Variants in PP2D1 observed in about 807,000 individuals in gnomAD.
PP2D1 encodes protein phosphatase 2C like domain containing 1.
In PP2D1, 25 loss-of-function variants were observed where a neutral mutation model predicts 30.2. That is an observed-to-expected ratio of 0.83 (90% CI 0.60 to 1.16). The LOEUF is 1.16. Ranked by LOEUF, PP2D1 falls within the 50% of genes most tolerant of loss-of-function variation. The probability of loss-of-function intolerance (pLI) is 0.00; values close to 1 mark genes in which losing one functional copy is unlikely to be tolerated. For missense variants in PP2D1, 760 were observed against 742.4 expected (o/e 1.02, Z -0.28); for synonymous variants, 260 against 258.9 (o/e 1.00, Z -0.04).
In PP2D1 at chr3:19,985,997, G is replaced by C; in HGVS notation, c.1276C>G (p.Leu426Val). The stretch of plus-strand genomic sequence containing the variant: ...GGGATAATGGATTTTTTCAGCTTGA[G>C]ATTTCCATGAAATCCAAGTCCTCGT... ...TTRGLGFHGN[L>V]KLKKSIIPAP... The change falls in exon 3 of 3, where the codon CTC becomes GTC. Residue 426 changes from leucine (L) to valine (V), a missense_variant. Physicochemically the swap from Leu to Val is conservative, Grantham distance 32. Around this residue, in one of 3 missense-constraint regions of PP2D1, gnomAD observed 369 missense variants for 316.2 expected, o/e 1.17. Coordinates refer to ENST00000389050, the MANE Select transcript of PP2D1 (RefSeq NM_001252657.2). 6.5e-6 allele frequency: 10 copies of C among 1,536,072 alleles called. No individual in the cohort carries two copies. Among genetic ancestry groups the C allele is most frequent in the Non-Finnish European group, 8.7e-6 (10 of 1,146,868 alleles).
At chr3:19,994,472 C>T (rs1697153862) in intron 2 of PP2D1, among the ~76,000 whole-genome samples, 1 of 152,166 alleles carries the variant, frequency 6.6e-6, no homozygotes, top group Non-Finnish European at 1.5e-5. Context: ...CTCTGCAAAA[C>T]AAAGAATGTG....
downstream of PP2D1, among the ~76,000 whole-genome samples, chr3:19,981,209 G>C (rs1481384444): frequency 1.3e-5 from 2 of 152,154 alleles, no homozygotes; most frequent in Non-Finnish European, 2.9e-5. Context: ...ACTTTACAGT[G>C]GTTTGACTTA....
At chr3:19,994,604 T>C (rs550104760) in intron 2 of PP2D1, among the ~76,000 whole-genome samples, 13 of 152,312 alleles carry the variant, frequency 8.5e-5, no homozygotes, top group Admixed American at 7.8e-4. Flanking sequence ...ATGACACATC[T>C]CTCAAATAAT....
chr3:19,984,474 G>T (rs1696994608), downstream of PP2D1: 1 of 226,844 alleles, frequency 4.4e-6, no homozygotes, highest in Non-Finnish European at 8.7e-6. Flanking sequence ...TAGGAATTTT[G>T]AGAACTAATA....
chr3:20,000,462 A>C (rs539191151), intron 2 of PP2D1, among the ~76,000 whole-genome samples: 111 of 152,286 alleles, frequency 7.3e-4, no homozygotes, highest in Non-Finnish European at 1.4e-3. Flanking sequence ...GCAAGTTCCT[A>C]AACTCCCTGA....
intron 2 of PP2D1, among the ~76,000 whole-genome samples, chr3:19,999,081 C>T (rs373754969): frequency 2.2e-5 from 3 of 135,220 alleles, no homozygotes; most frequent in African/African-American, 8.3e-5. Context: ...TGTGTCTAGA[C>T]TTTTTTTTTT....
At chr3:20,008,611 G>T (rs1314828731) in intron 1 of PP2D1, among the ~76,000 whole-genome samples, 4 of 151,992 alleles carry the variant, frequency 2.6e-5, no homozygotes, top group Admixed American at 2.0e-4. Flanking sequence ...CCCTGGGCGG[G>T]CGCTGTAGCT....
chr3:19,980,228 T>C (rs750884938), intron 3 of PP2D1: 2 of 152,228 alleles, frequency 1.3e-5, no homozygotes, highest in Non-Finnish European at 2.9e-5. Context: ...CAGCCTGCAC[T>C]GTAAACCTTT....
At chr3:19,990,210 T>C (rs970493441) in intron 2 of PP2D1, among the ~76,000 whole-genome samples, 1 of 152,200 alleles carries the variant, frequency 6.6e-6, no homozygotes. Context: ...AGTGGCATGA[T>C]CACGGCTTAC....
At position 20,001,524 on chromosome 3, in the gene PP2D1, G is replaced by A. The variant is rs1474583268; in HGVS notation, c.596C>T (p.Pro199Leu). ...FTVVSNFGNK[P>L]NVCFFGLFDG... The stretch of plus-strand genomic sequence containing the variant: ...AAACAAACCAAAAAAACACACATTA[G>A]GTTTGTTACCAAAATTACTCACTAC... Residue 199 changes from proline to leucine, a missense_variant, in exon 2 of 3, where the codon CCT becomes CTT. Physicochemically the swap from Pro to Leu is moderately conservative, Grantham distance 98. Coordinates refer to ENST00000389050, the MANE Select transcript of PP2D1 (RefSeq NM_001252657.2). 2.6e-6 allele frequency: 4 copies of A among 1,536,016 alleles called. No homozygotes were observed. The highest frequency in any genetic ancestry group is 1.7e-4 in the Middle Eastern group (1 of 5,990).
At chr3:19,993,894 G>A (rs1223805548) in intron 2 of PP2D1, among the ~76,000 whole-genome samples, 1 of 151,804 alleles carries the variant, frequency 6.6e-6, no homozygotes, top group Non-Finnish European at 1.5e-5. Flanking sequence ...GCCCACCCCC[G>A]GCTAATTTTT....
Position 19,989,090 on chromosome 3 carries a change from C to T in PP2D1, c.1091-2908G>A, listed in dbSNP as rs530206272. The stretch of plus-strand genomic sequence containing the variant: ...GGCTCATGCCTGTAATTGCAGCACT[C>T]TGGGAGGCTGAGGCAGGAGGATCAC... On this transcript the variant is annotated intron_variant, in intron 2 of 2. Coordinates refer to ENST00000389050, the MANE Select transcript of PP2D1 (RefSeq NM_001252657.2). Among the ~76,000 whole-genome samples the T allele has an allele frequency of 3.3e-5, 5 of 152,220 alleles. No individual in the cohort carries two copies. In the South Asian group the frequency reaches 1.0e-3, roughly 32 times the overall value.
chr3:20,005,030 G>C (rs2125146141), intron 1 of PP2D1, among the ~76,000 whole-genome samples: 1 of 152,242 alleles, frequency 6.6e-6, no homozygotes, highest in Non-Finnish European at 1.5e-5. Context: ...AGGATTTCTT[G>C]AGCCTGGGAG....
chr3:19,983,798 C>A, downstream of PP2D1: 2 of 1,609,004 alleles, frequency 1.2e-6, no homozygotes, highest in Non-Finnish European at 1.7e-6. Flanking sequence ...ACACAACCAA[C>A]CAGGAATCAG....
At chr3:19,985,271 A>G, downstream of PP2D1, 1 of 764,412 alleles carries the variant, frequency 1.3e-6, no homozygotes, top group South Asian at 1.9e-5. Context: ...TATTTTCTTT[A>G]CTATGTTCAT....
At chr3:20,007,123 C>G (rs1697328699) in intron 1 of PP2D1, among the ~76,000 whole-genome samples, 1 of 152,118 alleles carries the variant, frequency 6.6e-6, no homozygotes. Context: ...CCGCCCAGCT[C>G]TGCCTCCCAA....
rs945195274 is a variant in PP2D1 at position 19,988,954 on chromosome 3, C to G, written c.1091-2772G>C. 2.0e-5 allele frequency among the ~76,000 whole-genome samples: 3 copies of G among 151,858 alleles called. No homozygotes were observed. The South Asian group carries it at 6.2e-4, about 32-fold the overall frequency. ...TAATACGAAGTCACGCCACTACACTCCAGCCTGGGTGACAAAGCAAGACTC... is the reference window on the plus strand; with the variant it reads ...TAATACGAAGTCACGCCACTACACTGCAGCCTGGGTGACAAAGCAAGACTC... On this transcript the variant is annotated intron_variant, in intron 2 of 2. Coordinates refer to ENST00000389050, the MANE Select transcript of PP2D1 (RefSeq NM_001252657.2).
Position 20,001,709 on chromosome 3 carries a change from C to T in PP2D1, c.411G>A (p.Leu137=), listed in dbSNP as rs1313565206. Residue 137 remains leucine, a synonymous_variant, in exon 2 of 3, where the codon CTG becomes CTA. Coordinates refer to ENST00000389050, the MANE Select transcript of PP2D1 (RefSeq NM_001252657.2). ...ATGCTGGTATTTGTTTTTTCCAAAG[C>T]AGCTCAAAAGCATTATTAATGCTCT... ...TLQSINNAFE[L]LWKKQIPAYY... The T allele has an allele frequency of 2.0e-6, 3 of 1,533,126 alleles. No individual in the cohort carries two copies. In the African/African-American group the frequency reaches 4.1e-5, roughly 21 times the overall value. The allele number at this position is 1,533,126 out of a possible 1,614,324, so 95.0% of individuals were successfully genotyped here. A position where few individuals can be genotyped will look rare whatever the true frequency, so the allele number is the denominator to read the frequency against.
rs574202008 is a variant in PP2D1 at position 19,985,839 on chromosome 3, T to C, written c.1434A>G (p.Lys478=). The change falls in exon 3 of 3, where the codon AAA becomes AAG. Residue 478 remains lysine, a synonymous_variant. Coordinates refer to ENST00000389050, the MANE Select transcript of PP2D1 (RefSeq NM_001252657.2). ...ALAMTTFHMY[K]ETYCPIIPNK... is the part of the protein sequence containing the mutation. ...TAGGTATGATAGGACAGTATGTTTCTTTATACATGTGAAATGTTGTCATTG... is the reference window on the plus strand; with the variant it reads ...TAGGTATGATAGGACAGTATGTTTCCTTATACATGTGAAATGTTGTCATTG... 6.5e-7 allele frequency: 1 copy of C among 1,536,226 alleles called. No individual in the cohort carries two copies. Among genetic ancestry groups the C allele is most frequent in the Non-Finnish European group, 8.7e-7 (1 of 1,146,892 alleles).
Sources: allele counts gnomAD v4.1 joint callset (sites outside exome capture counted in the v4.1 genomes callset), GRCh38; gene constraint gnomAD v4.1.1; regional missense constraint gnomAD v4.1.1; transcripts MANE v1.5; gene names NCBI Gene and HGNC (gene_info 2026-07-23, HGNC 2026-07-21).